Variants in ECT2L observed in about 807,000 individuals in gnomAD.
The protein encoded by ECT2L is epithelial cell transforming 2 like.
ECT2L carries 126 observed loss-of-function variants against 122.8 expected under a neutral mutation model. The observed-to-expected ratio is 1.03, with a 90% CI of 0.89 to 1.19. The LOEUF (loss-of-function observed/expected upper bound fraction) is 1.19. Ranked by LOEUF, ECT2L falls within the 50% of genes most tolerant of loss-of-function variation. The pLI is 0.00. For synonymous variants in ECT2L, 385 were observed against 381.8 expected, an observed-to-expected ratio of 1.01 and a Z score of -0.10; for missense variants, 1,012 against 1,064.1, an observed-to-expected ratio of 0.95 and a Z score of 0.68.
chr6:138,849,195 G>T, intron 8 of ECT2L, 74 bp from the exon 9 acceptor site: 3 of 1,359,790 alleles, frequency 2.2e-6, no homozygotes, highest in Admixed American at 2.7e-5. Context: ...TTTTGTATCC[G>T]TTCTATTTCT....
Position 138,863,996 on chromosome 6 carries a change from C to T in ECT2L, c.1292-1000C>T, listed in dbSNP as rs548953138. Among the ~76,000 whole-genome samples, 5 of 90,150 alleles carry T rather than the reference C, an allele frequency of 5.5e-5. No individual in the cohort carries two copies. In the South Asian group the frequency reaches 1.7e-3, roughly 30 times the overall value. 59.1% of individuals were successfully genotyped at this position (90,150 alleles called of 152,430 possible). A position where few individuals can be genotyped will look rare whatever the true frequency, so the allele number is the denominator to read the frequency against. ...TTTTCCCTCTCTTGTTCTCATTCTC[C>T]GTATTTAAAAAAAAAAAAAAAAAAA... On this transcript the variant is annotated intron_variant, in intron 11 of 21. Coordinates refer to ENST00000541398, the MANE Select transcript of ECT2L (RefSeq NM_001077706.3).
At chr6:138,813,399 TATATTGGGTCTC>T in intron 3 of ECT2L, 59 bp downstream of exon 3, 1 of 1,330,924 alleles carries the variant, frequency 7.5e-7, no homozygotes, top group Non-Finnish European at 1.1e-6. Flanking sequence ...TTTCCTGTGA[TATATTGGGTCTC>T]ATGTTGCCAC....
rs527367051 is a variant in ECT2L, at chr6:138,877,310, T to G, written c.1665+752T>G. Among the ~76,000 whole-genome samples, 6 of 152,252 alleles carry G rather than the reference T, an allele frequency of 3.9e-5. No individual in the cohort carries two copies. The East Asian group carries it at 9.7e-4, about 25-fold the overall frequency. On this transcript the variant is annotated intron_variant, in intron 14 of 21. Coordinates refer to ENST00000541398, the MANE Select transcript of ECT2L (RefSeq NM_001077706.3). ...AGGCCGTGGAGCCCCAGGACATGGA[T>G]GCCCACTTGCCCCAAACCCATCCCT... is the stretch of plus-strand genomic sequence containing the variant.
chr6:138,857,935 C>T (rs1215465377), intron 10 of ECT2L, among the ~76,000 whole-genome samples: 1 of 152,122 alleles, frequency 6.6e-6, no homozygotes, highest in Non-Finnish European at 1.5e-5. Context: ...TCCTTCTCCA[C>T]GTGGCGGCAG....
intron 7 of ECT2L, 35 bp downstream of exon 7, chr6:138,844,615 C>G (rs369528727): frequency 4.3e-5 from 68 of 1,585,092 alleles, no homozygotes; most frequent in Non-Finnish European, 4.6e-5. Flanking sequence ...GGCTCAACAC[C>G]ATCCCAATAC....
intron 20 of ECT2L, among the ~76,000 whole-genome samples, chr6:138,896,777 A>G (rs900728965): frequency 6.6e-6 from 1 of 152,040 alleles, no homozygotes; most frequent in Non-Finnish European, 1.5e-5. Flanking sequence ...CCTCCCAAGT[A>G]GCTGGGACTA....
At chr6:138,877,682 C>T (rs1460081790) in intron 14 of ECT2L, among the ~76,000 whole-genome samples, 1 of 152,038 alleles carries the variant, frequency 6.6e-6, no homozygotes, top group Non-Finnish European at 1.5e-5. Context: ...GTTTGTAATC[C>T]CAGCACTTTC....
intron 20 of ECT2L, among the ~76,000 whole-genome samples, chr6:138,897,385 G>C (rs1413321435): frequency 6.6e-6 from 1 of 152,064 alleles, no homozygotes. Flanking sequence ...TATTCACATA[G>C]TGTTTACATT....
chr6:138,885,581 T>G lies in ECT2L; in HGVS notation c.2102+2T>G, dbSNP rs1446833801. 4 of 1,614,168 alleles carry G rather than the reference T, an allele frequency of 2.5e-6. No individual in the cohort carries two copies. The highest frequency in any genetic ancestry group is 3.3e-4 in the Middle Eastern group (2 of 6,060). On this transcript the variant is annotated splice_donor_variant, in intron 17 of 21. Transcript: ENST00000541398. LOFTEE classifies it high-confidence loss of function. Reference sequence around the variant, plus strand: ...GACCATTGTTACCAAAATGCTGAGGTACGTTCTGAGGGAGAGCACAGCAGG... The same window carrying G: ...GACCATTGTTACCAAAATGCTGAGGGACGTTCTGAGGGAGAGCACAGCAGG...
intron 13 of ECT2L, among the ~76,000 whole-genome samples, chr6:138,868,611 A>G (rs1778134566): frequency 6.6e-6 from 1 of 152,196 alleles, no homozygotes; most frequent in African/African-American, 2.4e-5. Context: ...AGATGACGGG[A>G]AAAGGGGCTA....
At chr6:138,893,490 G>A (rs945517605) in intron 20 of ECT2L, among the ~76,000 whole-genome samples, 4 of 151,626 alleles carry the variant, frequency 2.6e-5, no homozygotes, top group East Asian at 3.9e-4. Flanking sequence ...GCCTGAGCTC[G>A]GCTCACCACA....
At position 138,855,657 on chromosome 6, in the gene ECT2L, G is replaced by A. The variant is rs566911880; in HGVS notation, c.1198+1503G>A. Among the ~76,000 whole-genome samples, 3 of 152,336 alleles carry A rather than the reference G, an allele frequency of 2.0e-5. No individual in the cohort carries two copies. The South Asian group carries it at 6.2e-4, about 32-fold the overall frequency. On this transcript the variant is annotated intron_variant, in intron 10 of 21. Coordinates refer to ENST00000541398, the MANE Select transcript of ECT2L (RefSeq NM_001077706.3). Reference sequence around the variant, plus strand: ...ACTAGGTTACAAAGAGTTGGATGGTGTGATCTCATTGTTTAAAACATGCAT... The same window carrying A: ...ACTAGGTTACAAAGAGTTGGATGGTATGATCTCATTGTTTAAAACATGCAT...
chr6:138,898,742 T>A (rs1330845273), intron 20 of ECT2L, among the ~76,000 whole-genome samples: 1 of 152,184 alleles, frequency 6.6e-6, no homozygotes, highest in Non-Finnish European at 1.5e-5. Flanking sequence ...GCAGCTTTTA[T>A]GAAGAACAAC....
At chr6:138,848,251 GAATTT>G (rs542464254) in intron 8 of ECT2L, among the ~76,000 whole-genome samples, 304 of 152,224 alleles carry the variant, frequency 2.0e-3, no homozygotes, top group African/African-American at 7.0e-3. Flanking sequence ...TTGTTGAATT[GAATTT>G]GTTGCATTTA....
At chr6:138,900,292 G>C (rs1268532181) in intron 20 of ECT2L, among the ~76,000 whole-genome samples, 2 of 151,894 alleles carry the variant, frequency 1.3e-5, no homozygotes, top group African/African-American at 2.4e-5. Flanking sequence ...TGTCACCCAG[G>C]CTGGAGTGCA....
Position 138,902,554 on chromosome 6 carries a change from C to T in ECT2L, c.2642C>T (p.Thr881Ile). 3 of 1,613,700 alleles carry T rather than the reference C, an allele frequency of 1.9e-6. No individual in the cohort carries two copies. Among genetic ancestry groups the T allele is most frequent in the Non-Finnish European group, 2.5e-6 (3 of 1,179,754 alleles). The change falls in exon 22 of 22, where the codon ACA becomes ATA. Residue 881 changes from threonine to isoleucine, a missense_variant. Coordinates refer to ENST00000541398, the MANE Select transcript of ECT2L (RefSeq NM_001077706.3). ...QGPKYKWICATEIEDDKFLWL... is the reference protein window; with the variant it reads ...QGPKYKWICAIEIEDDKFLWL... ...CCAAAATATAAATGGATTTGTGCTA[C>T]AGAAATAGAGGATGATAAGTTCCTA...
chr6:138,837,270 C>T (rs775368182), intron 4 of ECT2L, among the ~76,000 whole-genome samples: 2 of 152,132 alleles, frequency 1.3e-5, no homozygotes, highest in African/African-American at 2.4e-5. Flanking sequence ...AAACCTAGCT[C>T]CCATAATCTT....
At chr6:138,802,875 G>A (rs768897108) in intron 1 of ECT2L, among the ~76,000 whole-genome samples, 40 of 152,040 alleles carry the variant, frequency 2.6e-4, no homozygotes, top group Non-Finnish European at 5.1e-4. Flanking sequence ...CCAGGAGTTC[G>A]AGACAGCCTG....
chr6:138,864,914 AT>A, intron 11 of ECT2L, 81 bp from the exon 12 acceptor site: 2 of 1,339,852 alleles, frequency 1.5e-6, no homozygotes, highest in South Asian at 3.0e-5. Context: ...TGCAACTAAG[AT>A]TTTGTTGTAC....
Sources: allele counts gnomAD v4.1 joint callset (sites outside exome capture counted in the v4.1 genomes callset), GRCh38; gene constraint gnomAD v4.1.1; transcripts MANE v1.5; gene names NCBI Gene and HGNC (gene_info 2026-07-23, HGNC 2026-07-21).